Variants in FAM120A observed in about 807,000 individuals in gnomAD.
The protein encoded by FAM120A is constitutive coactivator of PPAR-gamma-like protein 1.
In FAM120A, 15 loss-of-function variants were observed where a neutral mutation model predicts 109.7. The observed-to-expected ratio is 0.14, with a 90% CI of 0.09 to 0.21. FAM120A has a LOEUF of 0.21. FAM120A is among the 10% of genes least tolerant of loss of function. The pLI is 1.00. For missense variants in FAM120A, 899 were observed against 1,439.3 expected (o/e 0.62, Z 6.07); for synonymous variants, 493 against 572.8 (o/e 0.86, Z 1.99).
In FAM120A at chr9:93,532,483, AG is replaced by A. The variant is rs1861365689; in HGVS notation, c.1909+156del. The A allele has an allele frequency of 5.7e-6, 4 of 698,078 alleles. No individual in the cohort carries two copies. The highest frequency in any genetic ancestry group is 2.7e-5 in the Admixed American group (1 of 36,480). 43.2% of individuals were successfully genotyped at this position (698,078 alleles called of 1,614,324 possible). A position where few individuals can be genotyped will look rare whatever the true frequency, so the allele number is the denominator to read the frequency against. ...TCATCGGGGCAGTAGGCCAGGGTAA[AG>A]GCTCTTAGAAAAGGAGGAGAAGCCA... On this transcript the variant is annotated intron_variant, in intron 10 of 17. Transcript: ENST00000277165. The surrounding 1 kb of genome is among the most constrained non-coding windows in gnomAD (Gnocchi z 4.3).
chr9:93,543,010 G>A (rs1861759386), intron 10 of FAM120A, among the ~76,000 whole-genome samples: 1 of 152,176 alleles, frequency 6.6e-6, no homozygotes, highest in South Asian at 2.1e-4. Context: ...TGGCCTAACT[G>A]AAAATCTGAA....
In FAM120A at chr9:93,452,443, C is replaced by A. The variant is rs776773791; in HGVS notation, c.474+54C>A. On this transcript the variant is annotated intron_variant, in intron 1 of 17. Transcript: ENST00000277165. The surrounding 1 kb of genome is among the most constrained non-coding windows in gnomAD (Gnocchi z 7.0). Reference sequence around the variant, plus strand: ...GACCGGGGCCGCGCCGCACCCCTATCCCCCTTCCCAGGGCGCAGAATGTCG... The same window carrying A: ...GACCGGGGCCGCGCCGCACCCCTATACCCCTTCCCAGGGCGCAGAATGTCG... 2 of 1,560,190 alleles carry A rather than the reference C, an allele frequency of 1.3e-6. No homozygotes were observed. The highest frequency in any genetic ancestry group is 8.7e-7 in the Non-Finnish European group (1 of 1,155,212).
chr9:93,553,522 T>A (rs1350128954), intron 12 of FAM120A, among the ~76,000 whole-genome samples: 1 of 152,238 alleles, frequency 6.6e-6, no homozygotes, highest in Non-Finnish European at 1.5e-5. Context: ...TGGAATTTGG[T>A]TCTTGAGCTA....
At position 93,519,310 on chromosome 9, in the gene FAM120A, C is replaced by T. The variant is rs1373436734; in HGVS notation, c.1418+3041C>T. ...AGGCTGGAGTGCAATTGCATGATCT[C>T]GGCTAACTGCAACCTCTGCCTCCCA... On this transcript the variant is annotated intron_variant, in intron 7 of 17. Coordinates refer to ENST00000277165, the MANE Select transcript of FAM120A (RefSeq NM_014612.5). Among the ~76,000 whole-genome samples the T allele has an allele frequency of 4.6e-5, 7 of 151,958 alleles. 1 individual carries two copies. The highest frequency in any genetic ancestry group is 8.8e-5 in the Non-Finnish European group (6 of 67,966).
At chr9:93,551,074 T>C (rs188651495) in intron 12 of FAM120A, among the ~76,000 whole-genome samples, 1 of 152,332 alleles carries the variant, frequency 6.6e-6, no homozygotes, top group African/African-American at 2.4e-5. Flanking sequence ...GCAAGGATTC[T>C]TTTTCTTATT....
chr9:93,531,530 A>C (rs1286226860), intron 9 of FAM120A: 2 of 152,276 alleles, frequency 1.3e-5, no homozygotes, highest in Non-Finnish European at 2.9e-5. Flanking sequence ...AGTCAGATGC[A>C]GTTCTTGCCG....
intron 5 of FAM120A, among the ~76,000 whole-genome samples, chr9:93,506,629 G>T (rs1366133243): frequency 1.3e-5 from 2 of 149,478 alleles, no homozygotes; most frequent in Non-Finnish European, 3.0e-5. Context: ...ATGGAGTCTC[G>T]CTCTGTCGCC....
chr9:93,547,014 T>C (rs1861914677), intron 11 of FAM120A, among the ~76,000 whole-genome samples: 1 of 152,210 alleles, frequency 6.6e-6, no homozygotes, highest in South Asian at 2.1e-4. Context: ...ATATTTTAAA[T>C]GCTATACTAT....
At chr9:93,541,921 C>G (rs1027997529) in intron 10 of FAM120A, among the ~76,000 whole-genome samples, 2 of 152,124 alleles carry the variant, frequency 1.3e-5, no homozygotes, top group Non-Finnish European at 2.9e-5. Flanking sequence ...TGTCTAACTC[C>G]TGGTGTTTTT....
At chr9:93,536,446 G>C (rs1861519536) in intron 10 of FAM120A, among the ~76,000 whole-genome samples, 2 of 152,228 alleles carry the variant, frequency 1.3e-5, no homozygotes, top group Non-Finnish European at 2.9e-5. Context: ...TATCTGCGCA[G>C]CTATATATTC....
chr9:93,560,392 G>T (rs1862429649), intron 15 of FAM120A, among the ~76,000 whole-genome samples: 1 of 151,854 alleles, frequency 6.6e-6, no homozygotes, highest in Non-Finnish European at 1.5e-5. Context: ...CTGTTTCTTT[G>T]TACATTTTTC....
chr9:93,479,463 G>A (rs1199702947), intron 3 of FAM120A, among the ~76,000 whole-genome samples: 1 of 152,138 alleles, frequency 6.6e-6, no homozygotes, highest in Non-Finnish European at 1.5e-5. Flanking sequence ...TGGCAAAATA[G>A]TACAAATATA....
At chr9:93,479,856 T>C (rs1396770567) in intron 3 of FAM120A, among the ~76,000 whole-genome samples, 1 of 152,214 alleles carries the variant, frequency 6.6e-6, no homozygotes, top group African/African-American at 2.4e-5. Flanking sequence ...TGTGAAGTCC[T>C]CCCTGACTGT....
At chr9:93,493,986 A>G (rs932367919) in intron 3 of FAM120A, among the ~76,000 whole-genome samples, 1 of 152,166 alleles carries the variant, frequency 6.6e-6, no homozygotes. Context: ...TTCAATTCCT[A>G]GCGGTTGCAG....
Position 93,532,510 on chromosome 9 carries a change from C to A in FAM120A, c.1909+181C>A. On this transcript the variant is annotated intron_variant, in intron 10 of 17. Transcript: ENST00000277165. The surrounding 1 kb of genome is among the most constrained non-coding windows in gnomAD (Gnocchi z 4.3). Reference sequence around the variant, plus strand: ...GCTCTTAGAAAAGGAGGAGAAGCCACAGACTTTCTTCCTCAGTAACATTCC... The same window carrying A: ...GCTCTTAGAAAAGGAGGAGAAGCCAAAGACTTTCTTCCTCAGTAACATTCC... 1.6e-6 allele frequency: 1 copy of A among 613,476 alleles called. No homozygotes were observed. Among genetic ancestry groups the A allele is most frequent in the South Asian group, 2.0e-5 (1 of 50,700 alleles). The allele number at this position is 613,476 out of a possible 1,614,324, so 38.0% of individuals were successfully genotyped here. A position where few individuals can be genotyped will look rare whatever the true frequency, so the allele number is the denominator to read the frequency against.
At chr9:93,461,621 TA>T (rs1192229643) in intron 1 of FAM120A, among the ~76,000 whole-genome samples, 1 of 152,190 alleles carries the variant, frequency 6.6e-6, no homozygotes, top group Non-Finnish European at 1.5e-5. Context: ...TTTATCATTG[TA>T]TTTTTTTATT....
Position 93,451,882 on chromosome 9 carries a change from CG to C in FAM120A, c.-33del. The C allele has an allele frequency of 8.2e-7, 1 of 1,212,200 alleles. No individual in the cohort carries two copies. Among genetic ancestry groups the C allele is most frequent in the Non-Finnish European group, 1.0e-6 (1 of 976,666 alleles). The allele number at this position is 1,212,200 out of a possible 1,614,324, so 75.1% of individuals were successfully genotyped here. On this transcript the variant is annotated 5_prime_UTR_variant, in exon 1 of 18. Transcript: ENST00000277165. ...CACCACCCCCGGCCCCGCCGCCCCC[CG>C]CCCGCACCCGCGCCCGCGCCCCCGC...
chr9:93,460,582 G>T (rs151216588), intron 1 of FAM120A, among the ~76,000 whole-genome samples: 2 of 152,112 alleles, frequency 1.3e-5, no homozygotes, highest in African/African-American at 4.8e-5. Context: ...TGATCCACCC[G>T]CCCTGGCCTC....
intron 10 of FAM120A, among the ~76,000 whole-genome samples, chr9:93,538,191 G>A (rs1226079106): frequency 6.8e-6 from 1 of 147,932 alleles, no homozygotes; most frequent in Non-Finnish European, 1.5e-5. Flanking sequence ...GCCTTACTAA[G>A]CATTTATATT....
Sources: gnomAD v4.1 joint callset for allele counts (sites outside exome capture counted in the v4.1 genomes callset) on GRCh38, gnomAD v4.1.1 for gene constraint, Gnocchi (gnomAD v3.1) non-coding constraint, MANE v1.5 for transcripts, NCBI Gene and HGNC (gene_info 2026-07-23, HGNC 2026-07-21) for gene names.